ZNF732: variants seen among roughly 807,000 people sequenced by gnomAD.
ZNF732 encodes the protein zinc finger protein LOC654254.
ZNF732 carries 12 observed loss-of-function variants against 11.5 expected under a neutral mutation model. The observed-to-expected ratio is 1.05, with a 90% CI of 0.67 to 1.70. The LOEUF is 1.70. Among genes scored for constraint, ZNF732 ranks in the 40% most tolerant of loss-of-function variants. ZNF732 has a pLI of 0.00. For missense variants in ZNF732, 702 were observed against 676.9 expected (o/e 1.04, Z -0.41); for synonymous variants, 231 against 236.5 (o/e 0.98, Z 0.21).
intron 3 of ZNF732, among the ~76,000 whole-genome samples, chr4:285,283 G>A (rs1719709850): frequency 6.6e-6 from 1 of 152,182 alleles, no homozygotes; most frequent in Non-Finnish European, 1.5e-5. Flanking sequence ...ATAGATACTG[G>A]CCCAGGCAGG....
At chr4:305,259 G>T (rs781886423) in intron 1 of ZNF732, 49 bp downstream of exon 1, 6 of 1,592,764 alleles carry the variant, frequency 3.8e-6, no homozygotes, top group Admixed American at 3.5e-5. Flanking sequence ...TTTCCCGCCG[G>T]TTCGGATGAG....
intron 3 of ZNF732, among the ~76,000 whole-genome samples, chr4:285,618 T>C (rs944142189): frequency 2.0e-5 from 3 of 152,094 alleles, no homozygotes; most frequent in Admixed American, 1.3e-4. Flanking sequence ...CTCAGTCCCC[T>C]CTCACCCCCG....
Position 271,541 on chromosome 4 carries a change from A to AT in ZNF732, c.1315dup (p.Ile439AsnfsTer11), listed in dbSNP as rs782679142. The AT allele has an allele frequency of 5.0e-6, 8 of 1,611,798 alleles. No homozygotes were observed. The East Asian group carries it at 1.8e-4, about 36-fold the overall frequency. On this transcript the variant is annotated frameshift_variant, in exon 4 of 4. Transcript: ENST00000419098. LOFTEE classifies it low-confidence loss of function (END_TRUNC). ...TTTGTAAGGTTTCTCTCCAGTATGA[A>AT]TTATCTTATGTTTATTCAGGTCTGT...
Position 305,420 on chromosome 4 carries a change from G to C in ZNF732, c.-110C>G. On this transcript the variant is annotated 5_prime_UTR_variant, in exon 1 of 4. Transcript: ENST00000419098. ...GACCGAATCACCGACGCCTCCCTGA[G>C]GGGTGAAAGCACGGCCGTGGAGACC... 1 of 1,509,476 alleles carries C rather than the reference G, an allele frequency of 6.6e-7. No individual in the cohort carries two copies. Among genetic ancestry groups the C allele is most frequent in the Non-Finnish European group, 9.1e-7 (1 of 1,104,456 alleles). 93.5% of individuals were successfully genotyped at this position (1,509,476 alleles called of 1,614,324 possible). A position where few individuals can be genotyped will look rare whatever the true frequency, so the allele number is the denominator to read the frequency against.
At position 305,307 on chromosome 4, in the gene ZNF732, C is replaced by A; in HGVS notation, c.3+1G>T. Reference sequence around the variant, plus strand: ...TTGGGACGCCCTGCCCCCACACTCACCATTTCCCCACTTCAGGGGTGTAGC... The same window carrying A: ...TTGGGACGCCCTGCCCCCACACTCAACATTTCCCCACTTCAGGGGTGTAGC... On this transcript the variant is annotated splice_donor_variant, in intron 1 of 3. Coordinates refer to ENST00000419098, the MANE Select transcript of ZNF732 (RefSeq NM_001137608.3). LOFTEE classifies it high-confidence loss of function. The A allele has an allele frequency of 6.2e-7, 1 of 1,607,802 alleles. No homozygotes were observed. The highest frequency in any genetic ancestry group is 1.1e-5 in the South Asian group (1 of 91,072).
At chr4:288,247 TGTA>T (rs1719771893) in intron 3 of ZNF732, among the ~76,000 whole-genome samples, 1 of 152,236 alleles carries the variant, frequency 6.6e-6, no homozygotes, top group Non-Finnish European at 1.5e-5. Flanking sequence ...ATAAATTTAA[TGTA>T]GTCTCATTTT....
At chr4:281,452 T>G (rs1719619893) in intron 3 of ZNF732, among the ~76,000 whole-genome samples, 1 of 152,198 alleles carries the variant, frequency 6.6e-6, no homozygotes, top group Admixed American at 6.5e-5. Context: ...TCACATTGAT[T>G]GTATCAGCAC....
Position 271,898 on chromosome 4 carries a change from G to C in ZNF732, c.959C>G (p.Thr320Ser), listed in dbSNP as rs144988802. 1.8e-4 allele frequency: 284 copies of C among 1,611,480 alleles called. 1 individual carries two copies. In the African/African-American group the frequency reaches 3.0e-3, roughly 17 times the overall value. Residue 320 changes from threonine (T) to serine (S), a missense_variant, in exon 4 of 4, where the codon ACC (threonine) becomes AGC (serine). Physicochemically the swap from Thr to Ser is moderately conservative, Grantham distance 58. Transcript: ENST00000419098. ...ECGKVFNRST[T>S]LTKHNRIHTG... ...ATGAATTCTGTTATGTTTAGTAAGG[G>C]TTGTGGACCTATTAAAGACTTTGCC...
At chr4:289,476 T>G (rs1309459078) in intron 3 of ZNF732, among the ~76,000 whole-genome samples, 1 of 152,276 alleles carries the variant, frequency 6.6e-6, no homozygotes, top group African/African-American at 2.4e-5. Flanking sequence ...ATATTTGCTT[T>G]GAACTCTGAT....
chr4:270,786 A>G lies in ZNF732; in HGVS notation c.*313T>C. On this transcript the variant is annotated 3_prime_UTR_variant, in exon 4 of 4. Coordinates refer to ENST00000419098, the MANE Select transcript of ZNF732 (RefSeq NM_001137608.3). ...ATTTGTAGGATTCATCTCCCATATG[A>G]ATTTTCTTATGTTCACTCAGGGTTG... 1.9e-6 allele frequency: 1 copy of G among 538,562 alleles called. No individual in the cohort carries two copies. The highest frequency in any genetic ancestry group is 3.5e-6 in the Non-Finnish European group (1 of 285,058). 33.4% of individuals were successfully genotyped at this position (538,562 alleles called of 1,614,324 possible). A position where few individuals can be genotyped will look rare whatever the true frequency, so the allele number is the denominator to read the frequency against.
chr4:283,979 C>T (rs1719673332), intron 3 of ZNF732, among the ~76,000 whole-genome samples: 1 of 152,012 alleles, frequency 6.6e-6, no homozygotes, highest in African/African-American at 2.4e-5. Flanking sequence ...GGTGCGATCT[C>T]GGCTCACTGC....
At chr4:278,554 G>A (rs1450928834) in intron 3 of ZNF732, among the ~76,000 whole-genome samples, 2 of 152,192 alleles carry the variant, frequency 1.3e-5, no homozygotes, top group African/African-American at 4.8e-5. Context: ...TGAGCCCCCA[G>A]CACTGTTTCA....
intron 3 of ZNF732, among the ~76,000 whole-genome samples, chr4:289,987 T>TAC (rs1441220367): frequency 6.6e-6 from 1 of 152,232 alleles, no homozygotes; most frequent in Non-Finnish European, 1.5e-5. Flanking sequence ...GGATGTGGCT[T>TAC]ACACATACAA....
chr4:286,296 A>T (rs1167072348), intron 3 of ZNF732, among the ~76,000 whole-genome samples: 1 of 152,264 alleles, frequency 6.6e-6, no homozygotes, highest in Non-Finnish European at 1.5e-5. Context: ...ACTAGATTTT[A>T]AAAAGACAAT....
intron 1 of ZNF732, 62 bp from the exon 2 acceptor site, chr4:296,217 A>C (rs1237732163): frequency 1.1e-5 from 18 of 1,586,754 alleles, no homozygotes; most frequent in Non-Finnish European, 1.5e-5. Context: ...AAATGAGTTA[A>C]GAGAACTAGT....
chr4:284,130 C>T (rs2108655521), intron 3 of ZNF732, among the ~76,000 whole-genome samples: 1 of 152,052 alleles, frequency 6.6e-6, no homozygotes, highest in East Asian at 1.9e-4. Context: ...CTAGGATGGC[C>T]TCGATCTCCT....
intron 1 of ZNF732, among the ~76,000 whole-genome samples, chr4:304,305 T>C (rs4417915): frequency 0.091 from 13,486 of 148,816 alleles, 668 homozygotes; most frequent in Middle Eastern, 0.15. Context: ...TCCCAGTCCC[T>C]TCTCTCCCCG....
chr4:299,378 T>TATACACAC (rs1720034627), intron 1 of ZNF732, among the ~76,000 whole-genome samples: 2 of 104,308 alleles, frequency 1.9e-5, no homozygotes, highest in African/African-American at 3.0e-5. Flanking sequence ...TGTGTATATA[T>TATACACAC]ATATACACAT....
chr4:288,501 C>A (rs1314997369), intron 3 of ZNF732, among the ~76,000 whole-genome samples: 3 of 152,152 alleles, frequency 2.0e-5, no homozygotes, highest in Admixed American at 2.0e-4. Flanking sequence ...AAGAGACTGT[C>A]TTTTTCTTAT....
Sources: allele counts gnomAD v4.1 joint callset (sites outside exome capture counted in the v4.1 genomes callset), GRCh38; gene constraint gnomAD v4.1.1; transcripts MANE v1.5; gene names NCBI Gene and HGNC (gene_info 2026-07-23, HGNC 2026-07-21).